HPSE2: variants seen among roughly 807,000 people sequenced by gnomAD.
HPSE2 encodes the protein inactive heparanase-2.
A neutral mutation model predicts 60.5 loss-of-function variants in HPSE2; 38 were observed. The ratio of observed to expected loss-of-function variants is 0.63; its 90% CI spans 0.48 to 0.82. The LOEUF is 0.82. HPSE2 is among the 40% of genes least tolerant of loss of function. The pLI, the probability that HPSE2 is intolerant of heterozygous loss-of-function variation, is 0.00. For synonymous variants in HPSE2, 295 were observed against 293.2 expected, an observed-to-expected ratio of 1.01 and a Z score of -0.06; for missense variants, 713 against 740.4, an observed-to-expected ratio of 0.96 and a Z score of 0.43.
intron 5 of HPSE2, among the ~76,000 whole-genome samples, chr10:98,696,257 A>G (rs1403823826): frequency 2.7e-5 from 4 of 147,688 alleles, no homozygotes; most frequent in African/African-American, 9.8e-5. Flanking sequence ...GGGCCAAGAT[A>G]GCCAACTAGA....
In HPSE2 at chr10:98,933,892, C is replaced by T. The variant is rs1260541641; in HGVS notation, c.611-189836G>A. ...GACTACAGGCGCCCACCACCACACC[C>T]GGCTAATGTTTTTGTATTTTTAGTA... is the stretch of plus-strand genomic sequence containing the variant. On this transcript the variant is annotated intron_variant, in intron 3 of 11. Coordinates refer to ENST00000370552, the MANE Select transcript of HPSE2 (RefSeq NM_021828.5). Among the ~76,000 whole-genome samples, 13 of 141,508 alleles carry T rather than the reference C, an allele frequency of 9.2e-5. 2 individuals carry two copies. The highest frequency in any genetic ancestry group is 2.3e-4 in the African/African-American group (8 of 34,084). 92.8% of individuals were successfully genotyped at this position (141,508 alleles called of 152,430 possible). A position where few individuals can be genotyped will look rare whatever the true frequency, so the allele number is the denominator to read the frequency against.
At chr10:99,107,796 C>T (rs1010227709) in intron 3 of HPSE2, among the ~76,000 whole-genome samples, 1 of 152,058 alleles carries the variant, frequency 6.6e-6, no homozygotes, top group African/African-American at 2.4e-5. Context: ...CAACAAGTAC[C>T]TCCCAGGTAC....
chr10:99,149,053 A>C (rs1262206964), intron 2 of HPSE2, among the ~76,000 whole-genome samples: 2 of 151,992 alleles, frequency 1.3e-5, no homozygotes, highest in African/African-American at 4.8e-5. Flanking sequence ...TTATACAAAA[A>C]AAAATAGCTG....
chr10:98,726,392 A>G (rs1323701452), intron 4 of HPSE2, among the ~76,000 whole-genome samples: 1 of 150,386 alleles, frequency 6.6e-6, no homozygotes. Context: ...AGGACAAAAA[A>G]CCAAATGCCG....
At chr10:99,136,553 G>T (rs373504415) in intron 3 of HPSE2, among the ~76,000 whole-genome samples, 1 of 152,006 alleles carries the variant, frequency 6.6e-6, no homozygotes, top group Admixed American at 6.5e-5. Context: ...CGATCAAGTC[G>T]GCTTCATCCC....
chr10:99,088,283 T>G (rs1281035246), intron 3 of HPSE2, among the ~76,000 whole-genome samples: 2 of 152,230 alleles, frequency 1.3e-5, no homozygotes, highest in East Asian at 3.9e-4. Flanking sequence ...TAGTGGTGAT[T>G]TCTGAGATTT....
At chr10:98,983,120 T>TTC (rs1172729660) in intron 3 of HPSE2, among the ~76,000 whole-genome samples, 2 of 152,224 alleles carry the variant, frequency 1.3e-5, no homozygotes, top group Non-Finnish European at 2.9e-5. Context: ...AGACAATTTT[T>TTC]TCCAAGAACT....
intron 2 of HPSE2, among the ~76,000 whole-genome samples, chr10:99,189,240 C>G (rs1848135907): frequency 6.6e-6 from 1 of 152,202 alleles, no homozygotes; most frequent in Non-Finnish European, 1.5e-5. Flanking sequence ...GAGGCTGCTT[C>G]TGCATGTCTC....
the HPSE2 span, among the ~76,000 whole-genome samples, chr10:99,243,578 A>G: frequency 1.3e-5 from 2 of 152,328 alleles, no homozygotes; most frequent in Admixed American, 6.5e-5. Flanking sequence ...TTTCTTACAC[A>G]GTTATTACAT....
At chr10:98,925,734 G>A in intron 3 of HPSE2, among the ~76,000 whole-genome samples, 1 of 152,160 alleles carries the variant, frequency 6.6e-6, no homozygotes, top group East Asian at 1.9e-4. Flanking sequence ...TGGCTAGGGT[G>A]GAGTGGTTAT....
At chr10:99,021,245 GT>G (rs1201902353) in intron 3 of HPSE2, among the ~76,000 whole-genome samples, 1 of 152,116 alleles carries the variant, frequency 6.6e-6, no homozygotes. Context: ...AATAATAAGA[GT>G]TTATTGAGCA....
intron 9 of HPSE2, among the ~76,000 whole-genome samples, chr10:98,594,338 T>C (rs545849640): frequency 6.6e-6 from 1 of 152,246 alleles, no homozygotes; most frequent in East Asian, 1.9e-4. Flanking sequence ...TACACCATTA[T>C]ACTCTCTGCT....
chr10:98,701,837 C>G (rs1294161040), intron 5 of HPSE2, among the ~76,000 whole-genome samples: 1 of 152,040 alleles, frequency 6.6e-6, no homozygotes, highest in African/African-American at 2.4e-5. Context: ...AAAACCAGTA[C>G]CAGCCACTGC....
intron 9 of HPSE2, among the ~76,000 whole-genome samples, chr10:98,606,597 G>T (rs532324410): frequency 6.6e-6 from 1 of 152,336 alleles, no homozygotes; most frequent in East Asian, 1.9e-4. Context: ...AATAAAAATG[G>T]TGTGTTCTAT....
At chr10:98,979,815 A>C (rs1956166769) in intron 3 of HPSE2, among the ~76,000 whole-genome samples, 1 of 152,202 alleles carries the variant, frequency 6.6e-6, no homozygotes, top group Non-Finnish European at 1.5e-5. Context: ...AAGGATATTT[A>C]AGCAACAAAA....
At chr10:98,838,372 T>A (rs1026625186) in intron 3 of HPSE2, among the ~76,000 whole-genome samples, 3 of 152,188 alleles carry the variant, frequency 2.0e-5, no homozygotes, top group African/African-American at 7.2e-5. Context: ...GCCTGGCACA[T>A]AGCTGAATGC....
intron 9 of HPSE2, among the ~76,000 whole-genome samples, chr10:98,543,913 A>C (rs1316583425): frequency 6.6e-6 from 1 of 151,728 alleles, no homozygotes; most frequent in East Asian, 1.9e-4. Flanking sequence ...AACATTAGAC[A>C]GATCAACAAA....
chr10:98,981,489 T>C (rs889367450), intron 3 of HPSE2, among the ~76,000 whole-genome samples: 9 of 152,168 alleles, frequency 5.9e-5, no homozygotes, highest in African/African-American at 2.2e-4. Flanking sequence ...GTAAGAATCA[T>C]TGAAATAACA....
chr10:98,716,445 AT>A (rs1948793024), intron 5 of HPSE2, among the ~76,000 whole-genome samples: 1 of 146,220 alleles, frequency 6.8e-6, no homozygotes, highest in Admixed American at 6.7e-5. Context: ...ATAATAAAAA[AT>A]AAATAAATAA....
Sources: gnomAD v4.1 joint callset for allele counts (sites outside exome capture counted in the v4.1 genomes callset) on GRCh38, gnomAD v4.1.1 for gene constraint, MANE v1.5 for transcripts, NCBI Gene and HGNC (gene_info 2026-07-23, HGNC 2026-07-21) for gene names.